VPS36: variants seen among roughly 807,000 people sequenced by gnomAD.
VPS36 encodes vacuolar protein-sorting-associated protein 36.
A neutral mutation model predicts 63.5 loss-of-function variants in VPS36; 31 were observed. The observed-to-expected ratio is 0.49, with a 90% confidence interval of 0.37 to 0.66. The LOEUF (loss-of-function observed/expected upper bound fraction) is 0.66. VPS36 is among the 30% of genes least tolerant of loss of function. The pLI is 0.00. For missense variants in VPS36, 338 were observed against 463.7 expected (o/e 0.73, Z 2.49); for synonymous variants, 138 against 157.2 (o/e 0.88, Z 0.91).
At chr13:52,426,534 C>A (rs888048887) in intron 8 of VPS36, among the ~76,000 whole-genome samples, 22 of 152,162 alleles carry the variant, frequency 1.4e-4, no homozygotes, top group Admixed American at 3.3e-4. Flanking sequence ...ATAATTTTTA[C>A]GGTTGACTTT....
chr13:52,429,365 C>T, intron 6 of VPS36: 1 of 881,934 alleles, frequency 1.1e-6, no homozygotes, highest in Non-Finnish European at 1.4e-6. Flanking sequence ...TGCTGGTCAT[C>T]TGCTAGAGCC....
chr13:52,427,313 T>G, intron 6 of VPS36, 94 bp from the exon 7 acceptor site: 2 of 1,469,358 alleles, frequency 1.4e-6, no homozygotes, highest in African/African-American at 1.4e-5. Context: ...CCATAAAAAT[T>G]TGAAATTTTC....
intron 10 of VPS36, 128 bp from the exon 11 acceptor site, chr13:52,418,184 G>T: frequency 1.3e-6 from 1 of 795,104 alleles, no homozygotes; most frequent in Non-Finnish European, 1.9e-6. Context: ...AAAAAAGATT[G>T]ACAAAGGAAC....
intron 11 of VPS36, 88 bp from the exon 12 acceptor site, chr13:52,417,229 A>G (rs1958002628): frequency 1.8e-6 from 2 of 1,085,512 alleles, no homozygotes. Context: ...ACCTTCTTTT[A>G]TGCCCAGATA....
chr13:52,426,892 A>G, intron 8 of VPS36, 97 bp downstream of exon 8: 2 of 722,082 alleles, frequency 2.8e-6, no homozygotes, highest in Admixed American at 3.3e-5. Flanking sequence ...TAAATAATAA[A>G]TAAAACAGTA....
At chr13:52,443,541 C>T (rs1958303149) in intron 1 of VPS36, among the ~76,000 whole-genome samples, 1 of 152,120 alleles carries the variant, frequency 6.6e-6, no homozygotes, top group East Asian at 1.9e-4. Flanking sequence ...AGTGCCCTTA[C>T]CAAGAACCAA....
chr13:52,436,130 CT>C (rs1958212838), intron 4 of VPS36, 159 bp downstream of exon 4: 8 of 520,764 alleles, frequency 1.5e-5, no homozygotes, highest in Non-Finnish European at 2.7e-5. Context: ...ACTGCTAAGG[CT>C]TAAGATATAA....
chr13:52,425,450 TGGTTTACA>T (rs1020061309), intron 9 of VPS36, among the ~76,000 whole-genome samples: 5 of 152,166 alleles, frequency 3.3e-5, no homozygotes, highest in Non-Finnish European at 5.9e-5. Context: ...GAGTGGAGGT[TGGTTTACA>T]GGAGAAGCTG....
chr13:52,441,534 C>G lies in VPS36; in HGVS notation c.165+843G>C, dbSNP rs532567280. Reference sequence around the variant, plus strand: ...TTGGGAGGCCGAGGTGGGCAGATCACGAGGTCAGGAGTTAGAGACCAGCCT... The same window carrying G: ...TTGGGAGGCCGAGGTGGGCAGATCAGGAGGTCAGGAGTTAGAGACCAGCCT... On this transcript the variant is annotated intron_variant, in intron 2 of 13. Coordinates refer to ENST00000378060, the MANE Select transcript of VPS36 (RefSeq NM_016075.4). 2.6e-5 allele frequency among the ~76,000 whole-genome samples: 4 copies of G among 152,210 alleles called. No individual in the cohort carries two copies. The South Asian group carries it at 8.3e-4, about 32-fold the overall frequency.
intron 1 of VPS36, among the ~76,000 whole-genome samples, chr13:52,444,932 CA>C (rs1285383870): frequency 4.6e-5 from 7 of 152,100 alleles, no homozygotes; most frequent in Non-Finnish European, 1.0e-4. Context: ...GAACATATGT[CA>C]AAAAGTCCTT....
Position 52,415,516 on chromosome 13 carries a change from T to C in VPS36, c.*314A>G, listed in dbSNP as rs1392542510. On this transcript the variant is annotated 3_prime_UTR_variant, in exon 14 of 14. Transcript: ENST00000378060. ...CTTCTCTTTTTATTCTCTGCAAAACTAAATTCCCTTCTTTATAAAATGATT... is the reference window on the plus strand; with the variant it reads ...CTTCTCTTTTTATTCTCTGCAAAACCAAATTCCCTTCTTTATAAAATGATT... 1 of 216,830 alleles carries C rather than the reference T, an allele frequency of 4.6e-6. No individual in the cohort carries two copies. The highest frequency in any genetic ancestry group is 9.1e-6 in the Non-Finnish European group (1 of 109,464). 13.4% of individuals were successfully genotyped at this position (216,830 alleles called of 1,614,324 possible).
chr13:52,446,206 C>T (rs915560955), intron 1 of VPS36, among the ~76,000 whole-genome samples: 5 of 149,844 alleles, frequency 3.3e-5, no homozygotes, highest in Admixed American at 2.0e-4. Flanking sequence ...GCAGAGGTTG[C>T]GGTGAGCCAA....
In VPS36 at chr13:52,416,084, T is replaced by C. The variant is rs1179647843; in HGVS notation, c.1000A>G (p.Lys334Glu). 1.9e-6 allele frequency: 3 copies of C among 1,613,034 alleles called. No homozygotes were observed. Among genetic ancestry groups the C allele is most frequent in the East Asian group, 2.2e-5 (1 of 44,856 alleles). The change falls in exon 13 of 14, where the codon AAG becomes GAG. Residue 334 changes from lysine (K) to glutamate (E), a missense_variant. Transcript: ENST00000378060. The stretch of plus-strand genomic sequence containing the variant: ...AACTCTTCTGATGTTAGGGATCCCT[T>C]TTCTGAAACCTAATAGAAACACACA... Reference protein sequence around the residue: ...VASALETVSEKGSLTSEEFAK... With the variant: ...VASALETVSEEGSLTSEEFAK...
intron 1 of VPS36, among the ~76,000 whole-genome samples, chr13:52,448,330 G>A (rs1276989015): frequency 6.6e-6 from 1 of 152,220 alleles, no homozygotes; most frequent in Non-Finnish European, 1.5e-5. Context: ...CACCACAGGA[G>A]GTCTGGAAAC....
In VPS36 at chr13:52,434,853, T is replaced by A. The variant is rs1958197636; in HGVS notation, c.381A>T (p.Thr127=). Reference sequence around the variant, plus strand: ...CTGGCATATTCTCCCATCTTCTTTGTGTCATTTCCTCTGATAAACGCCTGT... The same window carrying A: ...CTGGCATATTCTCCCATCTTCTTTGAGTCATTTCCTCTGATAAACGCCTGT... ...EFYRRLSEEM[T]QRRWENMPVS... is the part of the protein sequence containing the mutation. The change falls in exon 5 of 14, where the codon ACA becomes ACT. Residue 127 remains threonine, a synonymous_variant. Transcript: ENST00000378060. 1 of 1,613,960 alleles carries A rather than the reference T, an allele frequency of 6.2e-7. No individual in the cohort carries two copies. The highest frequency in any genetic ancestry group is 1.1e-5 in the South Asian group (1 of 91,058).
At chr13:52,441,687 G>A (rs986496631) in intron 2 of VPS36, among the ~76,000 whole-genome samples, 1 of 152,100 alleles carries the variant, frequency 6.6e-6, no homozygotes, top group Non-Finnish European at 1.5e-5. Context: ...GGGAGGCGGA[G>A]GTTGCAGTGA....
intron 12 of VPS36, 32 bp downstream of exon 12, chr13:52,417,025 T>A (rs2137768593): frequency 6.2e-7 from 1 of 1,602,026 alleles, no homozygotes; most frequent in East Asian, 2.2e-5. Flanking sequence ...CATAGCAAGC[T>A]CTAAAGACTG....
intron 9 of VPS36, 59 bp downstream of exon 9, chr13:52,425,873 T>C: frequency 6.6e-7 from 1 of 1,504,560 alleles, no homozygotes; most frequent in Non-Finnish European, 8.9e-7. Flanking sequence ...TTAACATTTC[T>C]AATGACATAG....
At chr13:52,417,897 T>C (rs1008823203) in intron 11 of VPS36, 95 bp downstream of exon 11, 3 of 985,752 alleles carry the variant, frequency 3.0e-6, no homozygotes, top group Non-Finnish European at 4.6e-6. Context: ...TAATCTGGCT[T>C]GACACTAGGG....
Sources: gnomAD v4.1 joint callset for allele counts (sites outside exome capture counted in the v4.1 genomes callset) on GRCh38, gnomAD v4.1.1 for gene constraint, MANE v1.5 for transcripts, NCBI Gene and HGNC (gene_info 2026-07-23, HGNC 2026-07-21) for gene names.